Variants in WDHD1 observed in about 807,000 individuals in gnomAD.
The protein encoded by WDHD1 is WD repeat and HMG-box DNA-binding protein 1.
WDHD1 carries 111 observed loss-of-function variants against 135.4 expected under a neutral mutation model. That is an observed-to-expected ratio of 0.82 (90% confidence interval 0.70 to 0.96). The LOEUF (loss-of-function observed/expected upper bound fraction) is 0.96, where lower values mean the gene tolerates loss of function less well. Among genes scored for constraint, WDHD1 ranks in the 40% least tolerant of loss-of-function variants. WDHD1 has a pLI of 0.00. For missense variants in WDHD1, 1,351 were observed against 1,336.3 expected, an observed-to-expected ratio of 1.01 and a Z score of -0.17; for synonymous variants, 434 against 439.0, an observed-to-expected ratio of 0.99 and a Z score of 0.14.
chr14:54,986,962 T>A (rs1054973224), intron 14 of WDHD1, among the ~76,000 whole-genome samples, 184 bp downstream of exon 14: 6 of 152,184 alleles, frequency 3.9e-5, no homozygotes, highest in Non-Finnish European at 7.3e-5. Context: ...TATAATATAG[T>A]TCTATTAAGA....
rs559733450 is a variant in WDHD1, at chr14:54,944,439, C to T, written c.3082G>A (p.Glu1028Lys). Residue 1028 changes from glutamate to lysine, a missense_variant, in exon 25 of 26, where the codon GAA becomes AAA. Physicochemically the swap from Glu to Lys is moderately conservative, Grantham distance 56. Coordinates refer to ENST00000360586, the MANE Select transcript of WDHD1 (RefSeq NM_007086.4). ...PKTGFQMWLEENRSNILSDNP... is the reference protein window; with the variant it reads ...PKTGFQMWLEKNRSNILSDNP... Reference sequence around the variant, plus strand: ...TCAGACAAAATATTACTTCTATTTTCTTCTAACCACATCTGGAACCCGGTC... The same window carrying T: ...TCAGACAAAATATTACTTCTATTTTTTTCTAACCACATCTGGAACCCGGTC... The T allele has an allele frequency of 6.2e-6, 10 of 1,602,920 alleles. No homozygotes were observed. The East Asian group carries it at 2.0e-4, about 32-fold the overall frequency.
chr14:55,001,249 T>A (rs1331207704), intron 8 of WDHD1, among the ~76,000 whole-genome samples: 2 of 152,130 alleles, frequency 1.3e-5, no homozygotes, highest in Non-Finnish European at 2.9e-5. Flanking sequence ...ATGAAAAAAA[T>A]TATACTGGCA....
At chr14:54,946,879 C>T (rs2040935367) in intron 24 of WDHD1, among the ~76,000 whole-genome samples, 1 of 151,742 alleles carries the variant, frequency 6.6e-6, no homozygotes, top group Admixed American at 6.6e-5. Context: ...TCCATCTCTA[C>T]CAAAAAATAA....
chr14:54,989,826 A>G (rs148370498), intron 12 of WDHD1, among the ~76,000 whole-genome samples: 272 of 152,104 alleles, frequency 1.8e-3, no homozygotes, highest in Middle Eastern at 6.8e-3. Flanking sequence ...GGTCCAGCTA[A>G]TTTCTGTATT....
At chr14:54,988,870 C>G (rs575144632) in intron 13 of WDHD1, among the ~76,000 whole-genome samples, 158 bp downstream of exon 13, 3 of 152,014 alleles carry the variant, frequency 2.0e-5, no homozygotes, top group Non-Finnish European at 2.9e-5. Context: ...GACATATGTT[C>G]TGAGGTATTT....
At chr14:54,959,314 C>T (rs1435757758) in intron 21 of WDHD1, among the ~76,000 whole-genome samples, 6 of 125,744 alleles carry the variant, frequency 4.8e-5, no homozygotes, top group South Asian at 2.9e-4. Context: ...GGAAAGATCG[C>T]TTGGGTCTGG....
chr14:54,993,338 T>C (rs533854242), intron 11 of WDHD1, among the ~76,000 whole-genome samples: 8 of 152,278 alleles, frequency 5.3e-5, no homozygotes, highest in Non-Finnish European at 1.5e-5. Context: ...CTGGCTGGTC[T>C]TGAACTCCTG....
intron 21 of WDHD1, among the ~76,000 whole-genome samples, chr14:54,958,871 T>TA (rs1404150272): frequency 6.6e-6 from 1 of 152,216 alleles, no homozygotes; most frequent in East Asian, 1.9e-4. Context: ...TTGCTATACT[T>TA]ATGCCAATGA....
In WDHD1 at chr14:54,990,787, GT is replaced by G. The variant is rs773916091; in HGVS notation, c.1341+425del. The stretch of plus-strand genomic sequence containing the variant: ...GGTGGGTGGTGGAGTGAGGAAAAGG[GT>G]CAGACTTTTCCCCCCATAGTACTTG... On this transcript the variant is annotated intron_variant, in intron 12 of 25. Transcript: ENST00000360586. Among the ~76,000 whole-genome samples the G allele has an allele frequency of 2.0e-5, 3 of 152,184 alleles. No homozygotes were observed. In the East Asian group the frequency reaches 5.8e-4, roughly 29 times the overall value.
intron 10 of WDHD1, among the ~76,000 whole-genome samples, chr14:54,997,552 C>G (rs565963382): frequency 6.6e-6 from 1 of 152,206 alleles, no homozygotes; most frequent in East Asian, 1.9e-4. Flanking sequence ...TTCAACCATT[C>G]CATTTATAGT....
intron 13 of WDHD1, 50 bp from the exon 14 acceptor site, chr14:54,987,437 C>CATATATATATAT (rs139807986): frequency 2.1e-5 from 28 of 1,350,480 alleles, no homozygotes; most frequent in East Asian, 1.5e-4. Context: ...ATGATATTTA[C>CATATATATATAT]ATATATATAT....
At position 54,962,078 on chromosome 14, in the gene WDHD1, G is replaced by A. The variant is rs572820806; in HGVS notation, c.2701+420C>T. 3.9e-4 allele frequency among the ~76,000 whole-genome samples: 59 copies of A among 152,152 alleles called. 1 individual carries two copies. The South Asian group carries it at 0.011, about 29-fold the overall frequency. ...TCTAGAACTCCTGACCTCGTTATCC[G>A]CCCACTCCGGCCTCCCAAAGTGCTG... is the stretch of plus-strand genomic sequence containing the variant. On this transcript the variant is annotated intron_variant, in intron 21 of 25. Transcript: ENST00000360586.
intron 16 of WDHD1, among the ~76,000 whole-genome samples, chr14:54,969,180 A>G (rs2041391265): frequency 6.6e-6 from 1 of 152,086 alleles, no homozygotes; most frequent in Non-Finnish European, 1.5e-5. Context: ...CTGAGACTAC[A>G]GGTGCCCACC....
chr14:55,006,278 T>A (rs1271397820), intron 7 of WDHD1, among the ~76,000 whole-genome samples: 1 of 152,220 alleles, frequency 6.6e-6, no homozygotes, highest in East Asian at 1.9e-4. Context: ...TTTATCCAAG[T>A]CTTCTTTTAC....
chr14:54,955,597 G>A lies in WDHD1; in HGVS notation c.3014C>T (p.Pro1005Leu), dbSNP rs752790577. 6 of 1,592,540 alleles carry A rather than the reference G, an allele frequency of 3.8e-6. No homozygotes were observed. In the South Asian group the frequency reaches 6.9e-5, roughly 18 times the overall value. ...AGTGTTTTGAGGAGGACATATAGCT[G>A]GGGTTTCAGATAATACATTTTTAAG... Reference protein sequence around the residue: ...ENLKNVLSETPAICPPQNTEN... With the variant: ...ENLKNVLSETLAICPPQNTEN... The change falls in exon 24 of 26, where the codon CCA becomes CTA. Residue 1005 changes from proline (P) to leucine (L), a missense_variant. Pro to Leu is a moderately conservative substitution (Grantham distance 98). Coordinates refer to ENST00000360586, the MANE Select transcript of WDHD1 (RefSeq NM_007086.4).
chr14:54,989,005 C>A (rs373558249), intron 13 of WDHD1, 23 bp downstream of exon 13: 5 of 1,595,092 alleles, frequency 3.1e-6, no homozygotes, highest in South Asian at 1.1e-5. Context: ...GTGCCAAATT[C>A]TTCCTAATAA....
rs1379671196 is a variant in WDHD1 at position 55,010,472 on chromosome 14, A to G, written c.190-12T>C. 1.3e-6 allele frequency: 2 copies of G among 1,553,896 alleles called. No homozygotes were observed. ...ACCAGTTTTCCACTCTAAAAGAAAAATTAAGGTAAGAAACATTAGCAAAAC... is the reference window on the plus strand; with the variant it reads ...ACCAGTTTTCCACTCTAAAAGAAAAGTTAAGGTAAGAAACATTAGCAAAAC... On this transcript the variant is annotated splice_polypyrimidine_tract_variant and intron_variant, in intron 3 of 25. Transcript: ENST00000360586.
At chr14:54,956,885 T>G in intron 23 of WDHD1, 149 bp downstream of exon 23, 1 of 942,388 alleles carries the variant, frequency 1.1e-6, no homozygotes, top group Non-Finnish European at 1.5e-6. Flanking sequence ...CCACTGTGCC[T>G]AGCTGCAAAA....
At position 54,944,374 on chromosome 14, in the gene WDHD1, T is replaced by C; in HGVS notation, c.3147A>G (p.Glu1049=). The part of the protein sequence containing the change: ...DFSDEADIIK[E]GMIRFRVLST... ...ACAATACTCTAAATCGAATCATTCC[T>C]TCTTTTATTATGTCTGCTTCATCTG... is the stretch of plus-strand genomic sequence containing the variant. The change falls in exon 25 of 26, where the codon GAA becomes GAG. Residue 1049 remains glutamate, a synonymous_variant. Coordinates refer to ENST00000360586, the MANE Select transcript of WDHD1 (RefSeq NM_007086.4). 1 of 1,609,952 alleles carries C rather than the reference T, an allele frequency of 6.2e-7. No homozygotes were observed. Among genetic ancestry groups the C allele is most frequent in the Non-Finnish European group, 8.5e-7 (1 of 1,179,306 alleles).
Sources: gnomAD v4.1 joint callset for allele counts (sites outside exome capture counted in the v4.1 genomes callset) on GRCh38, gnomAD v4.1.1 for gene constraint, MANE v1.5 for transcripts, NCBI Gene and HGNC (gene_info 2026-07-23, HGNC 2026-07-21) for gene names.